The following PAG1 variants were observed in gnomAD, a reference collection of about 807,000 sequenced individuals.
PAG1 encodes phosphoprotein membrane anchor with glycosphingolipid microdomains 1, also known as phosphoprotein associated with glycosphingolipid-enriched microdomains 1.
Under a neutral mutation model 31.7 loss-of-function variants are expected in PAG1, and 23 were observed. The ratio of observed to expected loss-of-function variants is 0.73; its 90% CI spans 0.52 to 1.03. The LOEUF is 1.03. Among genes scored for constraint, PAG1 ranks in the 50% least tolerant of loss-of-function variants. PAG1 has a pLI of 0.00. For synonymous variants in PAG1, 214 were observed against 210.3 expected (o/e 1.02, Z -0.15); for missense variants, 473 against 540.7 (o/e 0.87, Z 1.24).
chr8:81,072,995 G>A (rs925044122), intron 1 of PAG1, among the ~76,000 whole-genome samples: 1 of 152,188 alleles, frequency 6.6e-6, no homozygotes, highest in African/African-American at 2.4e-5. Flanking sequence ...AATAAAATAA[G>A]AAGTATTGCT....
intron 2 of PAG1, among the ~76,000 whole-genome samples, chr8:81,060,718 A>C (rs763522498): frequency 1.1e-4 from 17 of 152,222 alleles, no homozygotes; most frequent in Non-Finnish European, 1.6e-4. Flanking sequence ...AGTCTCACTA[A>C]TACTTTGAGG....
In PAG1 at chr8:81,112,063, G is replaced by A. The variant is rs1242247874; in HGVS notation, c.-706C>T. ...AGCCAGCACTCGCCGCCGCGCCGCG[G>A]AGAATGACAGGCGCCGAGGCGGAGC... On this transcript the variant is annotated 5_prime_UTR_variant, in exon 1 of 9. Coordinates refer to ENST00000220597, the MANE Select transcript of PAG1 (RefSeq NM_018440.4). The A allele has an allele frequency of 1.3e-5, 2 of 152,174 alleles. No homozygotes were observed. Among genetic ancestry groups the A allele is most frequent in the Non-Finnish European group, 1.5e-5 (1 of 68,044 alleles). 9.4% of individuals were successfully genotyped at this position (152,174 alleles called of 1,614,324 possible).
At chr8:81,088,075 A>C (rs1339180919) in intron 1 of PAG1, among the ~76,000 whole-genome samples, 1 of 152,100 alleles carries the variant, frequency 6.6e-6, no homozygotes, top group African/African-American at 2.4e-5. Flanking sequence ...TAACTCCTTA[A>C]TATCTATTAT....
At chr8:81,052,011 T>A (rs1156384794) in intron 2 of PAG1, among the ~76,000 whole-genome samples, 2 of 151,156 alleles carry the variant, frequency 1.3e-5, no homozygotes, top group African/African-American at 4.9e-5. Context: ...GCGCCTGTAG[T>A]CCCAGCTACT....
intron 1 of PAG1, among the ~76,000 whole-genome samples, chr8:81,103,895 A>G (rs1377317225): frequency 6.6e-6 from 1 of 152,194 alleles, no homozygotes; most frequent in Non-Finnish European, 1.5e-5. Context: ...TGATTCTTTC[A>G]TTCTTTCCAT....
Position 81,051,042 on chromosome 8 carries a change from C to CAT in PAG1, c.-175+19068_-175+19069dup. ...TACTTTTCTTGAGATAAAGCTTATA[C>CAT]ATATATATGCCTCTTAATGAATGCA... On this transcript the variant is annotated intron_variant, in intron 2 of 8. Transcript: ENST00000220597. Among the ~76,000 whole-genome samples the CAT allele has an allele frequency of 2.0e-5, 3 of 152,302 alleles. No homozygotes were observed. The South Asian group carries it at 6.2e-4, about 32-fold the overall frequency.
chr8:80,981,299 A>G (rs1807294856), intron 7 of PAG1, among the ~76,000 whole-genome samples: 1 of 151,850 alleles, frequency 6.6e-6, no homozygotes, highest in Admixed American at 6.6e-5. Context: ...GGACCCATTC[A>G]TGCTTTCAAA....
At chr8:80,999,315 G>A (rs965080467) in intron 3 of PAG1, among the ~76,000 whole-genome samples, 5 of 152,128 alleles carry the variant, frequency 3.3e-5, no homozygotes, top group East Asian at 1.9e-4. Flanking sequence ...TATCAAGATC[G>A]CCCTATTCTG....
At chr8:81,053,464 T>C (rs1162946665) in intron 2 of PAG1, among the ~76,000 whole-genome samples, 1 of 152,246 alleles carries the variant, frequency 6.6e-6, no homozygotes, top group Non-Finnish European at 1.5e-5. Flanking sequence ...ACCATAGTTA[T>C]TTCTCACTGA....
chr8:81,083,895 C>G (rs913296200), intron 1 of PAG1, among the ~76,000 whole-genome samples: 3 of 151,892 alleles, frequency 2.0e-5, no homozygotes, highest in Admixed American at 2.0e-4. Flanking sequence ...ATTAGCCAGG[C>G]GTGGTGGTGC....
chr8:81,039,804 A>T (rs144232679), intron 2 of PAG1, among the ~76,000 whole-genome samples: 31 of 152,294 alleles, frequency 2.0e-4, no homozygotes, highest in African/African-American at 7.2e-4. Context: ...CATCAAAATA[A>T]CAGGTAGGTT....
chr8:81,029,881 C>T (rs1808348800), intron 3 of PAG1, 115 bp downstream of exon 3: 1 of 152,246 alleles, frequency 6.6e-6, no homozygotes, highest in South Asian at 2.1e-4. Flanking sequence ...CTCTCTCTTT[C>T]TCTTATGTCA....
chr8:81,069,294 A>G (rs1809056900), intron 2 of PAG1, among the ~76,000 whole-genome samples: 1 of 152,224 alleles, frequency 6.6e-6, no homozygotes, highest in Non-Finnish European at 1.5e-5. Context: ...TCCTTTGGTG[A>G]AGAGATTGGG....
intron 1 of PAG1, among the ~76,000 whole-genome samples, chr8:81,073,511 C>T (rs575212295): frequency 6.6e-6 from 1 of 152,284 alleles, no homozygotes; most frequent in East Asian, 1.9e-4. Flanking sequence ...TCTTCCTTAG[C>T]CTTGTCTATT....
At chr8:81,089,126 G>A (rs541097073) in intron 1 of PAG1, among the ~76,000 whole-genome samples, 1 of 152,086 alleles carries the variant, frequency 6.6e-6, no homozygotes, top group Non-Finnish European at 1.5e-5. Context: ...AAAACTCCTC[G>A]GTCTGAGACA....
intron 3 of PAG1, among the ~76,000 whole-genome samples, chr8:81,004,858 G>A (rs1055525215): frequency 6.6e-6 from 1 of 152,114 alleles, no homozygotes; most frequent in Non-Finnish European, 1.5e-5. Flanking sequence ...ATGTTCACAC[G>A]GTGGAAAGGA....
At position 81,052,047 on chromosome 8, in the gene PAG1, G is replaced by A. The variant is rs560084998; in HGVS notation, c.-175+18065C>T. On this transcript the variant is annotated intron_variant, in intron 2 of 8. Coordinates refer to ENST00000220597, the MANE Select transcript of PAG1 (RefSeq NM_018440.4). ...CGGGAGGCTGAGGCAGGAGAATGGC[G>A]TGAACCCGGGAGGCGGAGCTTGCGG... Among the ~76,000 whole-genome samples the A allele has an allele frequency of 4.0e-5, 6 of 151,388 alleles. No individual in the cohort carries two copies. In the East Asian group the frequency reaches 9.7e-4, roughly 25 times the overall value.
chr8:81,110,275 C>T (rs1395161936), intron 1 of PAG1, among the ~76,000 whole-genome samples: 1 of 152,098 alleles, frequency 6.6e-6, no homozygotes, highest in Non-Finnish European at 1.5e-5. Flanking sequence ...TTAATATGAC[C>T]TATTTTGTTA....
At position 81,096,256 on chromosome 8, in the gene PAG1, G is replaced by A. The variant is rs139850641; in HGVS notation, c.-234+15335C>T. Among the ~76,000 whole-genome samples, 451 of 152,268 alleles carry A rather than the reference G, an allele frequency of 3.0e-3. 4 individuals are homozygous for A. The highest frequency in any genetic ancestry group is 9.8e-3 in the African/African-American group (408 of 41,540). ...CAGCTCCTTTAGAAACTGTAGAGCC[G>A]TGGGGAACAGCCAATGGTCCTTGCG... is the stretch of plus-strand genomic sequence containing the variant. On this transcript the variant is annotated intron_variant, in intron 1 of 8. Coordinates refer to ENST00000220597, the MANE Select transcript of PAG1 (RefSeq NM_018440.4).
Sources: allele counts gnomAD v4.1 joint callset (sites outside exome capture counted in the v4.1 genomes callset), GRCh38; gene constraint gnomAD v4.1.1; transcripts MANE v1.5; gene names NCBI Gene and HGNC (gene_info 2026-07-23, HGNC 2026-07-21).